AFF3: variants seen among roughly 807,000 people sequenced by gnomAD.
The protein encoded by AFF3 is ALF transcription elongation factor 3.
Under a neutral mutation model 129.7 loss-of-function variants are expected in AFF3, and 32 were observed. That is an observed-to-expected ratio of 0.25 (90% CI 0.19 to 0.33). The LOEUF (loss-of-function observed/expected upper bound fraction) is 0.33. Among genes scored for constraint, AFF3 ranks in the 10% least tolerant of loss-of-function variants. The probability of loss-of-function intolerance (pLI) is 1.00; values close to 1 mark genes in which losing one functional copy is unlikely to be tolerated. For missense variants in AFF3, 1,373 were observed against 1,592.0 expected, an observed-to-expected ratio of 0.86 and a Z score of 2.34; for synonymous variants, 644 against 635.4, an observed-to-expected ratio of 1.01 and a Z score of -0.20.
chr2:99,567,756 C>T (rs1676109571), intron 19 of AFF3, among the ~76,000 whole-genome samples: 1 of 152,166 alleles, frequency 6.6e-6, no homozygotes, highest in Admixed American at 6.5e-5. Context: ...AGAGTGTCTC[C>T]TCTTGGGAAA....
chr2:99,895,280 C>A (rs1181482389), intron 7 of AFF3, among the ~76,000 whole-genome samples: 1 of 152,198 alleles, frequency 6.6e-6, no homozygotes, highest in Non-Finnish European at 1.5e-5. Flanking sequence ...TGTGTCCAAT[C>A]CCACCAACAA....
intron 1 of AFF3, among the ~76,000 whole-genome samples, chr2:100,136,154 T>G (rs994055712): frequency 5.9e-5 from 9 of 152,178 alleles, no homozygotes; most frequent in African/African-American, 4.8e-5. Context: ...GACTGAGTGT[T>G]GTGCGAGAGC....
chr2:99,649,958 G>C (rs1685084238), intron 12 of AFF3, among the ~76,000 whole-genome samples: 1 of 152,210 alleles, frequency 6.6e-6, no homozygotes, highest in Non-Finnish European at 1.5e-5. Flanking sequence ...CAGGCCTCTG[G>C]AAATTGGCAA....
intron 3 of AFF3, 27 bp downstream of exon 3, chr2:100,105,477 C>G (rs1691218381): frequency 2.3e-6 from 3 of 1,326,240 alleles, no homozygotes; most frequent in Non-Finnish European, 3.0e-6. Context: ...GCCCTGGAAA[C>G]CAACCTCCTT....
Position 100,054,560 on chromosome 2 carries a change from C to G in AFF3, c.54-45628G>C, listed in dbSNP as rs545348708. ...TTTTCCTAGGTCTTAAGTCTGCCAG[C>G]CTTTGAACTGGAACTCACACCACTG... On this transcript the variant is annotated intron_variant, in intron 4 of 24. Transcript: ENST00000672756. Among the ~76,000 whole-genome samples the G allele has an allele frequency of 3.3e-5, 5 of 152,300 alleles. No individual in the cohort carries two copies. In the East Asian group the frequency reaches 9.7e-4, roughly 29 times the overall value.
chr2:99,795,003 C>T (rs1685461984), intron 8 of AFF3, among the ~76,000 whole-genome samples: 1 of 152,160 alleles, frequency 6.6e-6, no homozygotes, highest in Admixed American at 6.5e-5. Context: ...CACTCTCCAG[C>T]TTAAAACCCT....
intron 7 of AFF3, among the ~76,000 whole-genome samples, chr2:99,931,808 C>A (rs1696690591): frequency 6.6e-6 from 1 of 152,136 alleles, no homozygotes; most frequent in African/African-American, 2.4e-5. Context: ...ACTAAAGAGG[C>A]TGAGGCACAA....
intron 10 of AFF3, among the ~76,000 whole-genome samples, chr2:99,734,443 T>C (rs1026207484): frequency 6.6e-6 from 1 of 152,192 alleles, no homozygotes; most frequent in African/African-American, 2.4e-5. Context: ...ACTCATGTCT[T>C]GTTCCTCATC....
intron 4 of AFF3, among the ~76,000 whole-genome samples, chr2:100,041,288 A>G (rs1193387127): frequency 6.6e-6 from 1 of 152,248 alleles, no homozygotes; most frequent in African/African-American, 2.4e-5. Flanking sequence ...TAAAGATTAC[A>G]TATGCAGGGG....
intron 15 of AFF3, among the ~76,000 whole-genome samples, chr2:99,588,834 G>C (rs1299560606): frequency 6.6e-6 from 1 of 152,116 alleles, no homozygotes; most frequent in African/African-American, 2.4e-5. Context: ...CCAGTACTGG[G>C]GTACTAATGC....
chr2:99,874,138 C>G (rs533419097), intron 7 of AFF3, among the ~76,000 whole-genome samples: 8 of 152,160 alleles, frequency 5.3e-5, no homozygotes, highest in African/African-American at 1.9e-4. Context: ...GATCGCGCCA[C>G]TGCACTCCAG....
chr2:99,743,246 T>A (rs1416878397), intron 10 of AFF3, among the ~76,000 whole-genome samples: 2 of 152,176 alleles, frequency 1.3e-5, no homozygotes, highest in African/African-American at 2.4e-5. Flanking sequence ...CGCATGAAAA[T>A]TCTGCTGCTT....
intron 7 of AFF3, among the ~76,000 whole-genome samples, chr2:99,915,261 G>C (rs1001252636): frequency 6.6e-6 from 1 of 152,034 alleles, no homozygotes; most frequent in Non-Finnish European, 1.5e-5. Context: ...AAAAACCAGA[G>C]CCACATGGAT....
At chr2:99,579,190 G>A (rs1575411462) in intron 17 of AFF3, among the ~76,000 whole-genome samples, 1 of 152,054 alleles carries the variant, frequency 6.6e-6, no homozygotes, top group East Asian at 1.9e-4. Flanking sequence ...GAGATCACCT[G>A]AGGTCAGGAG....
chr2:99,936,587 C>T (rs1674547934), intron 7 of AFF3, among the ~76,000 whole-genome samples: 1 of 152,186 alleles, frequency 6.6e-6, no homozygotes, highest in Non-Finnish European at 1.5e-5. Context: ...ATCTTCTAAC[C>T]TGTAGGATAA....
chr2:99,952,304 C>T (rs1345271999), intron 7 of AFF3, among the ~76,000 whole-genome samples: 1 of 152,190 alleles, frequency 6.6e-6, no homozygotes, highest in Non-Finnish European at 1.5e-5. Flanking sequence ...TTCCCCTTTG[C>T]CTTCCACCAT....
intron 8 of AFF3, among the ~76,000 whole-genome samples, chr2:99,814,272 A>G (rs1459628784): frequency 6.6e-6 from 1 of 151,772 alleles, no homozygotes; most frequent in African/African-American, 2.4e-5. Flanking sequence ...AAAGGACTTT[A>G]TATTTGTTCT....
At chr2:100,094,973 A>AG (rs950890273) in intron 4 of AFF3, among the ~76,000 whole-genome samples, 1 of 130,668 alleles carries the variant, frequency 7.7e-6, no homozygotes, top group African/African-American at 2.9e-5. Context: ...GCAGGGTCCC[A>AG]GGGCAAAAGC....
intron 8 of AFF3, among the ~76,000 whole-genome samples, chr2:99,837,144 C>T (rs942731228): frequency 4.6e-5 from 7 of 152,148 alleles, no homozygotes; most frequent in Non-Finnish European, 1.0e-4. Context: ...AAAAAATGTA[C>T]AGACTATTAA....
Sources: allele counts gnomAD v4.1 joint callset (sites outside exome capture counted in the v4.1 genomes callset), GRCh38; gene constraint gnomAD v4.1.1; transcripts MANE v1.5; gene names NCBI Gene and HGNC (gene_info 2026-07-23, HGNC 2026-07-21).